Variants in CSMD1 observed in about 807,000 individuals in gnomAD.
CSMD1 encodes the protein CUB and Sushi multiple domains 1, also known as CUB and sushi domain-containing protein 1.
In CSMD1, 213 loss-of-function variants were observed where a neutral mutation model predicts 417.5. The observed-to-expected ratio is 0.51, with a 90% CI of 0.46 to 0.57. The LOEUF is 0.57. CSMD1 is among the 20% of genes least tolerant of loss of function. The pLI is 0.00. For missense variants in CSMD1, 6,923 were observed against 4,529.7 expected (o/e 1.53, Z -15.17); for synonymous variants, 2,862 against 1,736.8 (o/e 1.65, Z -16.11).
chr8:3,039,474 C>T (rs1810935968), intron 50 of CSMD1, among the ~76,000 whole-genome samples: 1 of 147,576 alleles, frequency 6.8e-6, no homozygotes, highest in East Asian at 2.0e-4. Context: ...CCATTCCTTC[C>T]TTTCCTCCTT....
chr8:3,597,226 G>A (rs909760509), intron 8 of CSMD1, among the ~76,000 whole-genome samples: 2 of 152,056 alleles, frequency 1.3e-5, no homozygotes, highest in East Asian at 3.9e-4. Context: ...GTAAACATCG[G>A]GCCCCAGGGG....
At chr8:3,630,775 C>G (rs1397785197) in intron 7 of CSMD1, among the ~76,000 whole-genome samples, 1 of 152,124 alleles carries the variant, frequency 6.6e-6, no homozygotes, top group South Asian at 2.1e-4. Flanking sequence ...ACCATGGTGG[C>G]TAAAGCAATA....
chr8:4,450,424 G>T (rs533017592), intron 2 of CSMD1, among the ~76,000 whole-genome samples: 3 of 152,088 alleles, frequency 2.0e-5, no homozygotes, highest in Non-Finnish European at 2.9e-5. Context: ...TCAAGAAATG[G>T]AGACCATCTT....
At chr8:4,469,629 A>G (rs1317923986) in intron 2 of CSMD1, among the ~76,000 whole-genome samples, 2 of 152,060 alleles carry the variant, frequency 1.3e-5, no homozygotes, top group Non-Finnish European at 2.9e-5. Context: ...TCCCTAATGT[A>G]GCTTAGAGGC....
intron 68 of CSMD1, among the ~76,000 whole-genome samples, chr8:2,943,849 T>C (rs1310952372): frequency 2.6e-5 from 4 of 152,224 alleles, no homozygotes; most frequent in African/African-American, 9.6e-5. Flanking sequence ...CATCTGGTTT[T>C]CTTATTTCCA....
chr8:4,764,798 A>G (rs1379139089), intron 1 of CSMD1, among the ~76,000 whole-genome samples: 3 of 147,220 alleles, frequency 2.0e-5, no homozygotes, highest in Admixed American at 1.4e-4. Context: ...GTGTGAACCC[A>G]GGAGGCAGAG....
intron 10 of CSMD1, among the ~76,000 whole-genome samples, chr8:3,569,182 A>C (rs952905851): frequency 2.6e-5 from 4 of 152,200 alleles, no homozygotes; most frequent in Non-Finnish European, 4.4e-5. Flanking sequence ...TTCATTTTAT[A>C]ACTTCCTGAA....
chr8:3,818,503 T>C (rs765140550), intron 5 of CSMD1, among the ~76,000 whole-genome samples: 7 of 152,126 alleles, frequency 4.6e-5, no homozygotes, highest in African/African-American at 1.7e-4. Context: ...GCATGAGAGA[T>C]ACAACTGCAG....
chr8:4,380,536 C>T (rs188636411), intron 3 of CSMD1, among the ~76,000 whole-genome samples: 13 of 152,236 alleles, frequency 8.5e-5, no homozygotes, highest in African/African-American at 1.7e-4. Context: ...GGAGACGTGA[C>T]GACTAAATGC....
At chr8:3,534,259 A>G (rs944557967) in intron 10 of CSMD1, among the ~76,000 whole-genome samples, 2 of 152,098 alleles carry the variant, frequency 1.3e-5, no homozygotes, top group African/African-American at 4.8e-5. Flanking sequence ...TATCTAACTC[A>G]CTTATTAATC....
chr8:4,056,677 C>A (rs1171824893), intron 3 of CSMD1, among the ~76,000 whole-genome samples: 1 of 151,702 alleles, frequency 6.6e-6, no homozygotes, highest in Non-Finnish European at 1.5e-5. Context: ...TCATGCTATC[C>A]CTCCCCACTC....
At chr8:4,736,481 C>G (rs950275378) in intron 1 of CSMD1, among the ~76,000 whole-genome samples, 23 of 151,994 alleles carry the variant, frequency 1.5e-4, no homozygotes, top group African/African-American at 5.1e-4. Flanking sequence ...ACAAGAAAAA[C>G]TAAAGAAGTC....
At chr8:4,073,329 T>A (rs1341842753) in intron 3 of CSMD1, among the ~76,000 whole-genome samples, 6 of 152,122 alleles carry the variant, frequency 3.9e-5, no homozygotes, top group African/African-American at 1.2e-4. Flanking sequence ...AATGAAGAAT[T>A]GTGAAAGCTG....
intron 6 of CSMD1, among the ~76,000 whole-genome samples, chr8:3,749,791 T>G (rs186302410): frequency 8.3e-4 from 126 of 152,012 alleles, no homozygotes; most frequent in African/African-American, 3.0e-3. Context: ...CATGTAGAGG[T>G]AGTTTCTCTC....
chr8:3,345,704 C>A (rs1202104370), intron 22 of CSMD1, among the ~76,000 whole-genome samples: 1 of 152,148 alleles, frequency 6.6e-6, no homozygotes, highest in Non-Finnish European at 1.5e-5. Flanking sequence ...TACAAACCCT[C>A]CTCAGAGTTC....
At chr8:4,635,793 G>A (rs1802781263) in intron 2 of CSMD1, among the ~76,000 whole-genome samples, 1 of 152,070 alleles carries the variant, frequency 6.6e-6, no homozygotes, top group South Asian at 2.1e-4. Flanking sequence ...TATTGTATAT[G>A]TAGATACTTT....
Position 3,248,551 on chromosome 8 carries a change from A to G in CSMD1, c.4154-18320T>C, listed in dbSNP as rs1247589153. ...TTTTTTTTTTTTTTTTTTTTTTGAGACGTAGTCTCGCTCTGTCGCCCAGCC... is the reference window on the plus strand; with the variant it reads ...TTTTTTTTTTTTTTTTTTTTTTGAGGCGTAGTCTCGCTCTGTCGCCCAGCC... On this transcript the variant is annotated intron_variant, in intron 26 of 69. Coordinates refer to ENST00000635120, the MANE Select transcript of CSMD1 (RefSeq NM_033225.6). Among the ~76,000 whole-genome samples the G allele has an allele frequency of 2.2e-4, 6 of 27,652 alleles. No individual in the cohort carries two copies. The Admixed American group carries it at 3.4e-3, about 16-fold the overall frequency. The allele number at this position is 27,652 out of a possible 152,430, so 18.1% of individuals were successfully genotyped here.
chr8:4,368,121 A>G (rs1291120367), intron 3 of CSMD1, among the ~76,000 whole-genome samples: 7 of 151,950 alleles, frequency 4.6e-5, no homozygotes. Context: ...GCTTTTTCTC[A>G]TTCAGTATGG....
At chr8:4,013,449 G>A (rs1281230176) in intron 4 of CSMD1, among the ~76,000 whole-genome samples, 2 of 152,112 alleles carry the variant, frequency 1.3e-5, no homozygotes, top group African/African-American at 2.4e-5. Flanking sequence ...CTACTATCAG[G>A]GGGGTTTCCA....
Sources: allele counts gnomAD v4.1 joint callset (sites outside exome capture counted in the v4.1 genomes callset), GRCh38; gene constraint gnomAD v4.1.1; transcripts MANE v1.5; gene names NCBI Gene and HGNC (gene_info 2026-07-23, HGNC 2026-07-21).